Variants in ATG10 observed in about 807,000 individuals in gnomAD.
ATG10 encodes autophagy related 10.
Under a neutral mutation model 32.1 loss-of-function variants are expected in ATG10, and 30 were observed. The observed-to-expected ratio is 0.94, with a 90% CI of 0.70 to 1.27. ATG10 has a LOEUF of 1.27. Among genes scored for constraint, ATG10 ranks in the 50% most tolerant of loss-of-function variants. ATG10 has a pLI of 0.00. For synonymous variants in ATG10, 87 were observed against 91.5 expected (o/e 0.95, Z 0.28); for missense variants, 233 against 262.3 (o/e 0.89, Z 0.77).
chr5:81,974,086 A>G (rs1034776559), intron 1 of ATG10, among the ~76,000 whole-genome samples: 1 of 152,200 alleles, frequency 6.6e-6, no homozygotes, highest in South Asian at 2.1e-4. Context: ...TAGGAAAAAC[A>G]AGGAGAGTAA....
chr5:82,164,603 G>A (rs1743505777), intron 4 of ATG10, 66 bp downstream of exon 4: 4 of 1,438,832 alleles, frequency 2.8e-6, no homozygotes, highest in South Asian at 1.3e-5. Flanking sequence ...AAGCATATTT[G>A]GAAAATTATT....
chr5:82,083,198 C>G (rs1186328255), intron 3 of ATG10, among the ~76,000 whole-genome samples: 1 of 152,226 alleles, frequency 6.6e-6, no homozygotes, highest in Admixed American at 6.5e-5. Context: ...GTGCCTGGCT[C>G]GTAGAATCCC....
chr5:82,239,397 G>T (rs140811982), intron 5 of ATG10, among the ~76,000 whole-genome samples: 101 of 152,238 alleles, frequency 6.6e-4, no homozygotes, highest in African/African-American at 2.3e-3. Context: ...ATAGTAATCA[G>T]AATACTTCCT....
At chr5:82,236,460 C>T (rs975171536) in intron 5 of ATG10, among the ~76,000 whole-genome samples, 2 of 152,198 alleles carry the variant, frequency 1.3e-5, no homozygotes, top group Non-Finnish European at 2.9e-5. Flanking sequence ...ACACTGCTCT[C>T]TAATCCAGGA....
chr5:82,082,410 C>A (rs1371443548), intron 3 of ATG10, among the ~76,000 whole-genome samples: 1 of 152,132 alleles, frequency 6.6e-6, no homozygotes, highest in African/African-American at 2.4e-5. Flanking sequence ...ATTTGTTAAA[C>A]CCAGAAATAT....
chr5:82,021,698 T>C (rs1762441857), intron 2 of ATG10, among the ~76,000 whole-genome samples: 1 of 151,494 alleles, frequency 6.6e-6, no homozygotes, highest in Non-Finnish European at 1.5e-5. Context: ...CTGGCCAACA[T>C]GGTGAAACCC....
chr5:82,222,217 A>T (rs1745956925), intron 5 of ATG10, among the ~76,000 whole-genome samples: 1 of 152,188 alleles, frequency 6.6e-6, no homozygotes, highest in Non-Finnish European at 1.5e-5. Flanking sequence ...GAAACTAGTT[A>T]AATGGGAAGT....
intron 2 of ATG10, among the ~76,000 whole-genome samples, chr5:82,042,312 A>G (rs543716146): frequency 6.6e-6 from 1 of 152,288 alleles, no homozygotes; most frequent in African/African-American, 2.4e-5. Context: ...AGATTTTGTG[A>G]GAATTCACTC....
chr5:82,100,337 T>C (rs1292055859), intron 3 of ATG10, among the ~76,000 whole-genome samples: 2 of 152,098 alleles, frequency 1.3e-5, no homozygotes, highest in East Asian at 3.9e-4. Flanking sequence ...GTATTTGTTA[T>C]ATAAATGGGT....
intron 5 of ATG10, among the ~76,000 whole-genome samples, chr5:82,227,146 T>TA (rs769997120): frequency 6.6e-6 from 1 of 152,098 alleles, no homozygotes; most frequent in Non-Finnish European, 1.5e-5. Flanking sequence ...CCCCCTCTTG[T>TA]AAAATCCATC....
chr5:82,013,500 A>G (rs563392867), intron 2 of ATG10, among the ~76,000 whole-genome samples: 2 of 152,252 alleles, frequency 1.3e-5, no homozygotes, highest in African/African-American at 2.4e-5. Context: ...TTTTCATAGA[A>G]TGACTTCTTT....
intron 2 of ATG10, among the ~76,000 whole-genome samples, chr5:82,003,859 G>A (rs1761916903): frequency 6.6e-6 from 1 of 152,202 alleles, no homozygotes. Context: ...GATAGTAGAG[G>A]CTGGGAATGG....
At chr5:82,018,648 C>A (rs1203650861) in intron 2 of ATG10, among the ~76,000 whole-genome samples, 1 of 152,202 alleles carries the variant, frequency 6.6e-6, no homozygotes, top group Non-Finnish European at 1.5e-5. Flanking sequence ...ACAAACACTG[C>A]CACCCTGGGG....
At chr5:82,068,760 T>TAA (rs1252813252) in intron 3 of ATG10, among the ~76,000 whole-genome samples, 1 of 147,868 alleles carries the variant, frequency 6.8e-6, no homozygotes, top group Non-Finnish European at 1.5e-5. Flanking sequence ...TATATATATA[T>TAA]AATTCTTATC....
chr5:82,023,797 T>C (rs1307262211), intron 2 of ATG10, among the ~76,000 whole-genome samples: 3 of 152,254 alleles, frequency 2.0e-5, no homozygotes, highest in Non-Finnish European at 2.9e-5. Flanking sequence ...CTTTTCAGCA[T>C]GTAAATTTTC....
At chr5:82,078,742 CTT>C (rs1764365155) in intron 3 of ATG10, 2 of 152,220 alleles carry the variant, frequency 1.3e-5, no homozygotes, top group Admixed American at 1.3e-4. Context: ...AAAAAAGAAA[CTT>C]TTAATAAACA....
chr5:82,076,186 G>A (rs534016688), intron 3 of ATG10, among the ~76,000 whole-genome samples: 3 of 151,986 alleles, frequency 2.0e-5, no homozygotes, highest in East Asian at 1.9e-4. Context: ...ATCGGGTACC[G>A]TGCTGAAGGA....
intron 3 of ATG10, among the ~76,000 whole-genome samples, chr5:82,099,372 T>TTAAG (rs151009016): frequency 0.51 from 77,697 of 151,350 alleles, 20,606 homozygotes; most frequent in African/African-American, 0.63. Flanking sequence ...GGTATAATTA[T>TTAAG]TGAGAAAATA....
intron 2 of ATG10, among the ~76,000 whole-genome samples, chr5:82,054,728 T>C (rs934284772): frequency 2.0e-5 from 3 of 152,182 alleles, no homozygotes; most frequent in African/African-American, 7.2e-5. Flanking sequence ...TTGTCCAGGA[T>C]GTTTTCAGAC....
Sources: allele counts gnomAD v4.1 joint callset (sites outside exome capture counted in the v4.1 genomes callset), GRCh38; gene constraint gnomAD v4.1.1; transcripts MANE v1.5; gene names NCBI Gene and HGNC (gene_info 2026-07-23, HGNC 2026-07-21).